Variants in KCNH5 observed in about 807,000 individuals in gnomAD.
KCNH5 encodes the protein voltage-gated delayed rectifier potassium channel KCNH5.
Under a neutral mutation model 96.1 loss-of-function variants are expected in KCNH5, and 46 were observed. The observed-to-expected ratio is 0.48, with a 90% CI of 0.38 to 0.61. The LOEUF (loss-of-function observed/expected upper bound fraction) is 0.61. Among genes scored for constraint, KCNH5 ranks in the 20% least tolerant of loss-of-function variants. The pLI is 0.00. For missense variants in KCNH5, 907 were observed against 1,225.8 expected, an observed-to-expected ratio of 0.74 and a Z score of 3.88; for synonymous variants, 439 against 449.8, an observed-to-expected ratio of 0.98 and a Z score of 0.30.
chr14:62,978,089 G>C (rs1300977086), intron 6 of KCNH5, among the ~76,000 whole-genome samples: 2 of 152,224 alleles, frequency 1.3e-5, no homozygotes, highest in African/African-American at 2.4e-5. Flanking sequence ...AAAGGCAGCA[G>C]CCTTCAGTTA....
intron 4 of KCNH5, among the ~76,000 whole-genome samples, chr14:63,000,846 G>A (rs1315182581): frequency 6.6e-6 from 1 of 152,166 alleles, no homozygotes; most frequent in Non-Finnish European, 1.5e-5. Flanking sequence ...GGCCAAGGGG[G>A]GTCAGATAAC....
At chr14:62,956,280 T>C (rs1461406913) in intron 6 of KCNH5, among the ~76,000 whole-genome samples, 1 of 152,072 alleles carries the variant, frequency 6.6e-6, no homozygotes. Flanking sequence ...ATGATTCCAT[T>C]TCTGAAGAGT....
intron 10 of KCNH5, among the ~76,000 whole-genome samples, chr14:62,724,446 T>C (rs1595594892): frequency 6.6e-6 from 1 of 152,316 alleles, no homozygotes; most frequent in East Asian, 1.9e-4. Context: ...ATATAATCTA[T>C]TTTATACTCC....
intron 7 of KCNH5, among the ~76,000 whole-genome samples, chr14:62,901,826 C>T (rs897335543): frequency 6.6e-6 from 1 of 152,214 alleles, no homozygotes; most frequent in African/African-American, 2.4e-5. Flanking sequence ...AATGGCCAAA[C>T]TAATTTACAT....
chr14:62,989,299 C>T (rs1890767471), intron 4 of KCNH5, among the ~76,000 whole-genome samples: 1 of 152,128 alleles, frequency 6.6e-6, no homozygotes, highest in South Asian at 2.1e-4. Flanking sequence ...ATTTTCTGAT[C>T]CAAGTGATTT....
intron 8 of KCNH5, among the ~76,000 whole-genome samples, chr14:62,805,963 C>G (rs1886758802): frequency 6.6e-6 from 1 of 152,126 alleles, no homozygotes; most frequent in Non-Finnish European, 1.5e-5. Flanking sequence ...CATTTCCAGA[C>G]AGTTAAGGCA....
chr14:62,829,275 T>C (rs1467368594), intron 8 of KCNH5, among the ~76,000 whole-genome samples: 2 of 152,096 alleles, frequency 1.3e-5, no homozygotes, highest in Non-Finnish European at 2.9e-5. Context: ...GGGAGGACAG[T>C]GGCCCTCTTC....
intron 1 of KCNH5, among the ~76,000 whole-genome samples, chr14:63,029,868 A>T (rs1891594321): frequency 1.3e-5 from 2 of 152,060 alleles, no homozygotes; most frequent in Admixed American, 1.3e-4. Context: ...TTATTAATAA[A>T]TATTAAGAAC....
chr14:62,985,858 T>C (rs1890697048), intron 5 of KCNH5, among the ~76,000 whole-genome samples: 1 of 152,182 alleles, frequency 6.6e-6, no homozygotes, highest in South Asian at 2.1e-4. Context: ...AAACTTTGTA[T>C]GCCCCAAACT....
chr14:62,856,190 A>G (rs1278731235), intron 7 of KCNH5, among the ~76,000 whole-genome samples: 1 of 152,212 alleles, frequency 6.6e-6, no homozygotes, highest in African/African-American at 2.4e-5. Flanking sequence ...ATTGCTCATG[A>G]TAAGAGATCA....
intron 10 of KCNH5, among the ~76,000 whole-genome samples, chr14:62,736,457 G>A (rs920536800): frequency 6.6e-6 from 1 of 151,424 alleles, no homozygotes; most frequent in African/African-American, 2.4e-5. Context: ...AGGTCAGCAT[G>A]ACCATAAACC....
At chr14:62,877,700 T>C (rs1888404244) in intron 7 of KCNH5, among the ~76,000 whole-genome samples, 5 of 151,614 alleles carry the variant, frequency 3.3e-5, no homozygotes, top group South Asian at 4.2e-4. Flanking sequence ...AAACAACAGG[T>C]GCTGGAGAGG....
At chr14:62,935,214 C>T (rs1889655772) in intron 7 of KCNH5, among the ~76,000 whole-genome samples, 1 of 152,108 alleles carries the variant, frequency 6.6e-6, no homozygotes, top group Middle Eastern at 3.2e-3. Context: ...GTCTGGAGAA[C>T]TAGTATGGTT....
chr14:62,737,224 C>T (rs537998478), intron 10 of KCNH5, among the ~76,000 whole-genome samples: 2 of 152,292 alleles, frequency 1.3e-5, no homozygotes, highest in East Asian at 3.9e-4. Context: ...CAAATTTAAT[C>T]TCAACAAGGA....
chr14:62,705,476 G>C lies in KCNH5; in HGVS notation c.*2032C>G, dbSNP rs1884411643. 6.6e-6 allele frequency: 1 copy of C among 151,994 alleles called. No individual in the cohort carries two copies. The highest frequency in any genetic ancestry group is 2.1e-4 in the South Asian group (1 of 4,828). 9.4% of individuals were successfully genotyped at this position (151,994 alleles called of 1,614,324 possible). The stretch of plus-strand genomic sequence containing the variant: ...GAAAGCAACAAAATTCCAATTTCAA[G>C]GCTGATTCTTTACTCCATAATTATT... On this transcript the variant is annotated 3_prime_UTR_variant, in exon 11 of 11. Transcript: ENST00000322893.
At position 62,943,595 on chromosome 14, in the gene KCNH5, T is replaced by C. The variant is rs1324817498; in HGVS notation, c.1369+6538A>G. ...ATACACATACACACACACATACGTA[T>C]GTACATACATACTATTTTCTACAAG... On this transcript the variant is annotated intron_variant, in intron 7 of 10. Coordinates refer to ENST00000322893, the MANE Select transcript of KCNH5 (RefSeq NM_139318.5). Among the ~76,000 whole-genome samples, 3 of 152,306 alleles carry C rather than the reference T, an allele frequency of 2.0e-5. 1 individual carries two copies. The East Asian group carries it at 5.8e-4, about 29-fold the overall frequency.
At chr14:62,960,110 C>T (rs967452481) in intron 6 of KCNH5, among the ~76,000 whole-genome samples, 12 of 152,302 alleles carry the variant, frequency 7.9e-5, no homozygotes, top group Admixed American at 3.3e-4. Flanking sequence ...CATTCTCCCT[C>T]GAACACAGGG....
intron 10 of KCNH5, among the ~76,000 whole-genome samples, chr14:62,755,169 C>T (rs1885593409): frequency 6.6e-6 from 1 of 151,584 alleles, no homozygotes; most frequent in South Asian, 2.1e-4. Flanking sequence ...AAAAAGTTGG[C>T]TATTTATGAT....
chr14:62,932,322 G>C (rs1889595116), intron 7 of KCNH5, among the ~76,000 whole-genome samples: 1 of 151,962 alleles, frequency 6.6e-6, no homozygotes, highest in Admixed American at 6.6e-5. Context: ...AATGCTATGA[G>C]AAGGAACACA....
Sources: allele counts gnomAD v4.1 joint callset (sites outside exome capture counted in the v4.1 genomes callset), GRCh38; gene constraint gnomAD v4.1.1; transcripts MANE v1.5; gene names NCBI Gene and HGNC (gene_info 2026-07-23, HGNC 2026-07-21).